Variants in ANKMY1 observed in about 807,000 individuals in gnomAD.
ANKMY1 encodes ankyrin repeat and MYND domain containing 1, also known as ankyrin repeat and MYND domain-containing protein 1.
A neutral mutation model predicts 102.0 loss-of-function variants in ANKMY1; 98 were observed. The ratio of observed to expected loss-of-function variants is 0.96; its 90% confidence interval spans 0.82 to 1.14. The LOEUF is 1.14. ANKMY1 is among the 50% of genes most tolerant of loss of function. The pLI, the probability that ANKMY1 is intolerant of heterozygous loss-of-function variation, is 0.00. For missense variants in ANKMY1, 1,330 were observed against 1,347.6 expected (o/e 0.99, Z 0.20); for synonymous variants, 582 against 559.9 (o/e 1.04, Z -0.56).
chr2:240,521,553 G>A (rs2082283529), intron 8 of ANKMY1, among the ~76,000 whole-genome samples: 1 of 134,090 alleles, frequency 7.5e-6, no homozygotes, highest in Admixed American at 8.4e-5. Flanking sequence ...AGGCTGGAGT[G>A]CAGTGGCGCG....
intron 4 of ANKMY1, among the ~76,000 whole-genome samples, chr2:240,543,604 T>A (rs1177846552): frequency 6.6e-6 from 1 of 152,120 alleles, no homozygotes; most frequent in Non-Finnish European, 1.5e-5. Context: ...TTGGTGAAAA[T>A]ACCCATGTAG....
intron 15 of ANKMY1, among the ~76,000 whole-genome samples, chr2:240,492,281 C>A (rs2076742457): frequency 6.6e-6 from 1 of 152,206 alleles, no homozygotes; most frequent in Admixed American, 6.5e-5. Context: ...CATAAGCTAC[C>A]ACACCTGGCC....
At position 240,509,462 on chromosome 2, in the gene ANKMY1, G is replaced by T. The variant is rs770020155; in HGVS notation, c.2287-7C>A. The T allele has an allele frequency of 6.2e-6, 10 of 1,603,692 alleles. No homozygotes were observed. The highest frequency in any genetic ancestry group is 7.7e-6 in the Non-Finnish European group (9 of 1,172,990). On this transcript the variant is annotated splice_region_variant and splice_polypyrimidine_tract_variant and intron_variant, in intron 11 of 17. Coordinates refer to ENST00000401804, the MANE Select transcript of ANKMY1 (RefSeq NM_001282771.3). ...GGACTATGTCCCTGGCACACTGGGT[G>T]GGGAGAAATGACAGGTTAGAGAGGC...
At chr2:240,528,838 G>A (rs770017986) in intron 5 of ANKMY1, among the ~76,000 whole-genome samples, 199 bp downstream of exon 5, 4 of 152,084 alleles carry the variant, frequency 2.6e-5, no homozygotes, top group African/African-American at 7.2e-5. Flanking sequence ...CCCAGGACCC[G>A]GCCTGCCTCC....
At chr2:240,479,309 G>C (rs1334505181), downstream of ANKMY1, 1 of 468,296 alleles carries the variant, frequency 2.1e-6, no homozygotes, top group Non-Finnish European at 3.8e-6. Context: ...CATCAGGATG[G>C]CCCAGGCCAT....
chr2:240,555,378 C>A (rs1357507979), intron 2 of ANKMY1: 6 of 340,248 alleles, frequency 1.8e-5, no homozygotes, highest in Non-Finnish European at 3.3e-5. Context: ...GCCCTCTGTC[C>A]CACTCCAGCT....
At chr2:240,540,635 A>C (rs1031279004) in intron 4 of ANKMY1, among the ~76,000 whole-genome samples, 2 of 152,134 alleles carry the variant, frequency 1.3e-5, no homozygotes, top group African/African-American at 4.8e-5. Context: ...CTAGTCAGTC[A>C]TGGAAATGGA....
chr2:240,500,042 C>T lies in ANKMY1; in HGVS notation c.2722G>A (p.Glu908Lys). The T allele has an allele frequency of 6.2e-7, 1 of 1,612,922 alleles. No individual in the cohort carries two copies. The highest frequency in any genetic ancestry group is 8.5e-7 in the Non-Finnish European group (1 of 1,179,772). The change falls in exon 15 of 18, where the codon GAG becomes AAG. Residue 908 changes from glutamate (E) to lysine (K), a missense_variant. Transcript: ENST00000401804. ...TGCCGTAGCTGCAAGCCCATGTACT[C>T]CAGGAGCCGCTTCCGCGCCAGGAAC... is the stretch of plus-strand genomic sequence containing the variant. ...ETFLARKRLL[E>K]YMGLQLRQAV...
chr2:240,469,907 C>T, the ANKMY1 span, among the ~76,000 whole-genome samples: 10 of 152,242 alleles, frequency 6.6e-5, no homozygotes, highest in Admixed American at 5.2e-4. Flanking sequence ...CATCCTCCTG[C>T]ACATGCATGC....
intron 4 of ANKMY1, among the ~76,000 whole-genome samples, chr2:240,550,108 A>G (rs2091224872): frequency 6.6e-6 from 1 of 151,996 alleles, no homozygotes. Flanking sequence ...AAAGACTTGG[A>G]ACCAACCCAA....
intron 4 of ANKMY1, among the ~76,000 whole-genome samples, chr2:240,552,547 A>G (rs2091700349): frequency 1.3e-5 from 2 of 152,254 alleles, no homozygotes; most frequent in Non-Finnish European, 2.9e-5. Flanking sequence ...ACTGTAAATT[A>G]TACTGTAATA....
chr2:240,493,710 CT>C (rs2076907187), intron 15 of ANKMY1, among the ~76,000 whole-genome samples: 1 of 152,118 alleles, frequency 6.6e-6, no homozygotes, highest in South Asian at 2.1e-4. Flanking sequence ...GTAGGCCAAT[CT>C]TCAGGCCCCA....
At chr2:240,537,922 C>T (rs1460233829) in intron 4 of ANKMY1, among the ~76,000 whole-genome samples, 1 of 152,216 alleles carries the variant, frequency 6.6e-6, no homozygotes, top group African/African-American at 2.4e-5. Context: ...TGCTTCTGTA[C>T]CTCGCTTCTC....
chr2:240,516,587 G>A (rs1444068482), intron 9 of ANKMY1, among the ~76,000 whole-genome samples: 1 of 152,206 alleles, frequency 6.6e-6, no homozygotes, highest in East Asian at 1.9e-4. Context: ...CTTGTCAACT[G>A]TGTCTTTAAC....
chr2:240,481,393 C>T (rs2075365647), intron 16 of ANKMY1, among the ~76,000 whole-genome samples: 1 of 152,186 alleles, frequency 6.6e-6, no homozygotes, highest in Non-Finnish European at 1.5e-5. Context: ...CAGGAGACCG[C>T]CGTGGGGCCA....
At chr2:240,512,504 G>A (rs2080409818) in intron 10 of ANKMY1, among the ~76,000 whole-genome samples, 1 of 152,216 alleles carries the variant, frequency 6.6e-6, no homozygotes, top group South Asian at 2.1e-4. Flanking sequence ...TCGGAAAGGC[G>A]TGAGATGGAG....
chr2:240,485,112 A>T lies in ANKMY1; in HGVS notation c.2807-2851T>A, dbSNP rs2075889237. Among the ~76,000 whole-genome samples, 3 of 152,182 alleles carry T rather than the reference A, an allele frequency of 2.0e-5. No homozygotes were observed. In the South Asian group the frequency reaches 6.2e-4, roughly 32 times the overall value. ...GGGAGGCTGAGGTGGGTGGATCATG[A>T]GGTCAGGAGATCAAGACCATCCTGG... is the stretch of plus-strand genomic sequence containing the variant. On this transcript the variant is annotated intron_variant, in intron 15 of 17. Coordinates refer to ENST00000401804, the MANE Select transcript of ANKMY1 (RefSeq NM_001282771.3).
intron 4 of ANKMY1, chr2:240,552,690 G>A (rs1253203417): frequency 3.3e-6 from 2 of 610,910 alleles, no homozygotes; most frequent in African/African-American, 1.9e-5. Context: ...TAAATCTAAA[G>A]GACATGTAAC....
chr2:240,537,602 A>G (rs1293777791), intron 4 of ANKMY1, among the ~76,000 whole-genome samples: 1 of 152,222 alleles, frequency 6.6e-6, no homozygotes, highest in African/African-American at 2.4e-5. Flanking sequence ...CAGTCACCAC[A>G]TGACCCCACA....
Sources: gnomAD v4.1 joint callset for allele counts (sites outside exome capture counted in the v4.1 genomes callset) on GRCh38, gnomAD v4.1.1 for gene constraint, MANE v1.5 for transcripts, NCBI Gene and HGNC (gene_info 2026-07-23, HGNC 2026-07-21) for gene names.